Variants in STAG1 observed in about 807,000 individuals in gnomAD.
STAG1 encodes STAG1 cohesin complex component, also known as cohesin subunit SA-1.
A neutral mutation model predicts 170.9 loss-of-function variants in STAG1; 26 were observed. That is an observed-to-expected ratio of 0.15 (90% confidence interval 0.11 to 0.21). The LOEUF (loss-of-function observed/expected upper bound fraction) is 0.21. Ranked by LOEUF, STAG1 falls within the 10% of genes least tolerant of loss-of-function variation. The pLI is 1.00. For synonymous variants in STAG1, 514 were observed against 497.7 expected (o/e 1.03, Z -0.44); for missense variants, 964 against 1,509.5 (o/e 0.64, Z 5.99).
chr3:136,738,075 AAATT>A (rs1037834441), intron 1 of STAG1, among the ~76,000 whole-genome samples: 14 of 152,306 alleles, frequency 9.2e-5, no homozygotes, highest in South Asian at 2.1e-4. Context: ...CTCAAAAAAT[AAATT>A]AATTAATAAA....
chr3:136,441,005 CAACTT>C (rs956539906), intron 15 of STAG1, among the ~76,000 whole-genome samples: 4 of 147,848 alleles, frequency 2.7e-5, no homozygotes, highest in African/African-American at 7.5e-5. Flanking sequence ...AGGGCCCTGT[CAACTT>C]AACAACAGGA....
At chr3:136,447,681 A>G (rs2088824625) in intron 14 of STAG1, among the ~76,000 whole-genome samples, 2 of 131,660 alleles carry the variant, frequency 1.5e-5, no homozygotes, top group African/African-American at 6.0e-5. Context: ...ATCTCGGCTC[A>G]CTGCAAGCTC....
chr3:136,581,337 T>G (rs1252935095), intron 4 of STAG1, among the ~76,000 whole-genome samples: 7 of 152,228 alleles, frequency 4.6e-5, no homozygotes, highest in African/African-American at 1.2e-4. Context: ...TTCTTGCCAC[T>G]TACATGTAGG....
intron 1 of STAG1, among the ~76,000 whole-genome samples, chr3:136,650,644 A>T (rs1480924585): frequency 1.3e-5 from 2 of 152,222 alleles, no homozygotes; most frequent in Non-Finnish European, 1.5e-5. Context: ...TTGTCTAATG[A>T]AGCTATCTAT....
At chr3:136,636,888 C>G (rs1004780362) in intron 1 of STAG1, among the ~76,000 whole-genome samples, 4 of 152,182 alleles carry the variant, frequency 2.6e-5, no homozygotes, top group African/African-American at 7.2e-5. Context: ...CTGGACAGGT[C>G]ACCATTCCAT....
intron 24 of STAG1, among the ~76,000 whole-genome samples, 171 bp from the exon 25 acceptor site, chr3:136,367,253 T>A (rs1470485019): frequency 6.6e-6 from 1 of 152,174 alleles, no homozygotes; most frequent in African/African-American, 2.4e-5. Flanking sequence ...GTGCTGTATT[T>A]AGTTACTCAT....
intron 12 of STAG1, among the ~76,000 whole-genome samples, chr3:136,465,550 T>G (rs1420042776): frequency 1.1e-5 from 1 of 89,718 alleles, no homozygotes; most frequent in East Asian, 3.8e-4. Context: ...AGAGCAAGAC[T>G]CTTGCCTCAA....
intron 1 of STAG1, among the ~76,000 whole-genome samples, chr3:136,744,393 A>C (rs1934830454): frequency 6.6e-6 from 1 of 152,328 alleles, no homozygotes; most frequent in South Asian, 2.1e-4. Context: ...TGCTGGGGTT[A>C]AAATACATGA....
chr3:136,533,465 G>A (rs1036137079), intron 6 of STAG1, among the ~76,000 whole-genome samples: 1 of 152,098 alleles, frequency 6.6e-6, no homozygotes, highest in Non-Finnish European at 1.5e-5. Context: ...GGTTCTGGAA[G>A]CTGTATATGA....
intron 14 of STAG1, among the ~76,000 whole-genome samples, chr3:136,449,118 T>C (rs1044525450): frequency 6.6e-6 from 1 of 152,088 alleles, no homozygotes; most frequent in African/African-American, 2.4e-5. Context: ...AGGTGTACAC[T>C]AGTATAAAAA....
At chr3:136,653,513 A>C (rs938033820) in intron 1 of STAG1, among the ~76,000 whole-genome samples, 17 of 152,172 alleles carry the variant, frequency 1.1e-4, no homozygotes, top group African/African-American at 3.9e-4. Context: ...CCATTTATAT[A>C]ACATTTATTG....
At chr3:136,466,710 C>G (rs943791605) in intron 12 of STAG1, among the ~76,000 whole-genome samples, 3 of 151,972 alleles carry the variant, frequency 2.0e-5, no homozygotes, top group Non-Finnish European at 2.9e-5. Context: ...GTCAGATTCA[C>G]CAAAGTTGAA....
chr3:136,712,485 A>G (rs1319059035), intron 1 of STAG1, among the ~76,000 whole-genome samples: 1 of 152,240 alleles, frequency 6.6e-6, no homozygotes, highest in African/African-American at 2.4e-5. Flanking sequence ...ATAAAAATAG[A>G]TAAGTGATGA....
In STAG1 at chr3:136,480,715, G is replaced by T. The variant is rs2089883071; in HGVS notation, c.903-3303C>A. On this transcript the variant is annotated intron_variant, in intron 9 of 33. Coordinates refer to ENST00000383202, the MANE Select transcript of STAG1 (RefSeq NM_005862.3). ...ATTGATTCTTCCTACCCATGAGCAT[G>T]GAATGTTCTTCCATTTGTTTGTGTC... Among the ~76,000 whole-genome samples, 2 of 63,740 alleles carry T rather than the reference G, an allele frequency of 3.1e-5. 1 individual carries two copies. The highest frequency in any genetic ancestry group is 3.7e-4 in the Admixed American group (2 of 5,446). 41.8% of individuals were successfully genotyped at this position (63,740 alleles called of 152,430 possible).
chr3:136,541,587 A>C (rs1221337903), intron 6 of STAG1, among the ~76,000 whole-genome samples: 2 of 86,850 alleles, frequency 2.3e-5, no homozygotes, highest in African/African-American at 3.7e-5. Flanking sequence ...CACACACACC[A>C]GGGGTTTGGG....
intron 1 of STAG1, among the ~76,000 whole-genome samples, chr3:136,719,518 C>G (rs1054310271): frequency 6.6e-6 from 1 of 151,158 alleles, no homozygotes; most frequent in African/African-American, 2.4e-5. Flanking sequence ...TATACCTCAA[C>G]GTATCTGTCA....
intron 6 of STAG1, among the ~76,000 whole-genome samples, chr3:136,531,304 T>C (rs1935354088): frequency 6.7e-6 from 1 of 149,886 alleles, no homozygotes; most frequent in African/African-American, 2.5e-5. Flanking sequence ...ACTTTTACAC[T>C]GTTGGTGGGA....
At chr3:136,364,215 T>C (rs1294042349) in intron 25 of STAG1, among the ~76,000 whole-genome samples, 2 of 152,102 alleles carry the variant, frequency 1.3e-5, no homozygotes, top group Non-Finnish European at 2.9e-5. Context: ...CCCAAGTAGA[T>C]GGGACAACAG....
At chr3:136,458,223 C>A (rs1465777549) in intron 13 of STAG1, among the ~76,000 whole-genome samples, 3 of 152,082 alleles carry the variant, frequency 2.0e-5, no homozygotes, top group Non-Finnish European at 2.9e-5. Context: ...GTGGCACAAT[C>A]TGAGCTCACT....
Sources: allele counts gnomAD v4.1 joint callset (sites outside exome capture counted in the v4.1 genomes callset), GRCh38; gene constraint gnomAD v4.1.1; transcripts MANE v1.5; gene names NCBI Gene and HGNC (gene_info 2026-07-23, HGNC 2026-07-21).